BABAM2: variants seen among roughly 807,000 people sequenced by gnomAD.
BABAM2 encodes BRISC and BRCA1 A complex member 2, also known as BRISC and BRCA1-A complex member 2.
A neutral mutation model predicts 54.7 loss-of-function variants in BABAM2; 31 were observed. The observed-to-expected ratio is 0.57, with a 90% CI of 0.43 to 0.77. The LOEUF is 0.77. Among genes scored for constraint, BABAM2 ranks in the 30% least tolerant of loss-of-function variants. BABAM2 has a pLI of 0.00. For missense variants in BABAM2, 364 were observed against 455.8 expected (o/e 0.80, Z 1.83); for synonymous variants, 167 against 162.9 (o/e 1.03, Z -0.19).
At position 28,325,770 on chromosome 2, in the gene BABAM2, A is replaced by C. The variant is rs1572421799; in HGVS notation, c.1089-12680A>C. Among the ~76,000 whole-genome samples, 1 of 152,258 alleles carries C rather than the reference A, an allele frequency of 6.6e-6. No individual in the cohort carries two copies. Among genetic ancestry groups the C allele is most frequent in the East Asian group, 1.9e-4 (1 of 5,188 alleles). On this transcript the variant is annotated intron_variant, in intron 11 of 11. Coordinates refer to ENST00000379624, the MANE Select transcript of BABAM2 (RefSeq NM_199191.3). The surrounding 1 kb of genome is among the most constrained non-coding windows in gnomAD (Gnocchi z 4.3). Reference sequence around the variant, plus strand: ...AATGTCCCAGAGTGTTGGGTGACCAAAAGCTGTGTCCAAAAGCCAGCATGC... The same window carrying C: ...AATGTCCCAGAGTGTTGGGTGACCACAAGCTGTGTCCAAAAGCCAGCATGC...
intron 3 of BABAM2, among the ~76,000 whole-genome samples, chr2:27,943,040 T>C (rs1293287968): frequency 6.6e-6 from 1 of 152,064 alleles, no homozygotes; most frequent in Admixed American, 6.6e-5. Context: ...ATCCTTCCAC[T>C]GTGGCCTCCC....
intron 7 of BABAM2, among the ~76,000 whole-genome samples, chr2:28,206,569 C>G (rs1187201196): frequency 6.6e-6 from 1 of 152,106 alleles, no homozygotes; most frequent in Admixed American, 6.5e-5. Context: ...GAGGCTGAAA[C>G]CCCACCAGTG....
At chr2:28,009,553 A>G (rs1325217778) in intron 4 of BABAM2, among the ~76,000 whole-genome samples, 2 of 152,234 alleles carry the variant, frequency 1.3e-5, no homozygotes, top group Non-Finnish European at 2.9e-5. Flanking sequence ...TGGAGAGAGT[A>G]TGTCTTCATG....
intron 3 of BABAM2, among the ~76,000 whole-genome samples, chr2:27,963,208 G>A (rs549516774): frequency 5.9e-4 from 90 of 152,230 alleles, no homozygotes; most frequent in African/African-American, 2.1e-3. Flanking sequence ...GGTGGCTCAC[G>A]CCTGCAATCC....
intron 11 of BABAM2, among the ~76,000 whole-genome samples, chr2:28,324,357 G>A (rs182315173): frequency 3.5e-4 from 53 of 152,282 alleles, no homozygotes; most frequent in Admixed American, 9.2e-4. Flanking sequence ...CAAGGCTCCC[G>A]ACTCAGTGGA....
intron 10 of BABAM2, among the ~76,000 whole-genome samples, chr2:28,260,986 G>T: frequency 7.1e-6 from 1 of 141,404 alleles, no homozygotes; most frequent in African/African-American, 2.7e-5. Context: ...CTATTACCCA[G>T]GCTGGAGTGC....
At chr2:28,150,470 T>G (rs1230042246) in intron 7 of BABAM2, among the ~76,000 whole-genome samples, 1 of 152,254 alleles carries the variant, frequency 6.6e-6, no homozygotes, top group African/African-American at 2.4e-5. Flanking sequence ...CTCACTCCCT[T>G]GTCTTTCCTC....
chr2:27,899,254 T>C (rs1276415771), intron 2 of BABAM2, among the ~76,000 whole-genome samples: 5 of 152,218 alleles, frequency 3.3e-5, no homozygotes, highest in Admixed American at 6.5e-5. Flanking sequence ...TGATGGCTAG[T>C]GGACTGGTGA....
At chr2:28,092,767 T>TCC (rs1666265314) in intron 6 of BABAM2, among the ~76,000 whole-genome samples, 1 of 151,734 alleles carries the variant, frequency 6.6e-6, no homozygotes. Context: ...TCTCTCTCTC[T>TCC]CTCTCACGCT....
chr2:28,205,812 A>G (rs1678785289), intron 7 of BABAM2, among the ~76,000 whole-genome samples: 1 of 152,228 alleles, frequency 6.6e-6, no homozygotes, highest in Non-Finnish European at 1.5e-5. Flanking sequence ...GGATGAGTAG[A>G]AATTTATTTC....
intron 2 of BABAM2, among the ~76,000 whole-genome samples, chr2:27,906,046 G>T (rs1341567519): frequency 1.3e-5 from 2 of 152,212 alleles, no homozygotes; most frequent in Non-Finnish European, 2.9e-5. Context: ...ACAGAGGGGT[G>T]AAGAAGCCTC....
chr2:27,929,618 A>T (rs889164263), intron 2 of BABAM2, among the ~76,000 whole-genome samples: 3 of 152,332 alleles, frequency 2.0e-5, no homozygotes, highest in Admixed American at 2.0e-4. Flanking sequence ...AACACATGTA[A>T]GTTTTATTGT....
At chr2:27,928,734 T>A (rs988994643) in intron 2 of BABAM2, among the ~76,000 whole-genome samples, 2 of 152,154 alleles carry the variant, frequency 1.3e-5, no homozygotes, top group African/African-American at 4.8e-5. Context: ...AACTCTCATC[T>A]TTTTAAAACA....
chr2:28,312,697 C>G, intron 11 of BABAM2, among the ~76,000 whole-genome samples: 1 of 151,982 alleles, frequency 6.6e-6, no homozygotes, highest in Admixed American at 6.6e-5. Flanking sequence ...GGAATGCATC[C>G]TGGGAAGTTA....
intron 2 of BABAM2, among the ~76,000 whole-genome samples, chr2:27,919,066 G>A (rs538999079): frequency 1.8e-4 from 28 of 152,128 alleles, no homozygotes; most frequent in African/African-American, 6.3e-4. Context: ...CTTAATAATA[G>A]CTTTCTGCAT....
chr2:28,151,738 T>G (rs1672062359), intron 7 of BABAM2, among the ~76,000 whole-genome samples: 1 of 152,232 alleles, frequency 6.6e-6, no homozygotes, highest in African/African-American at 2.4e-5. Flanking sequence ...TGATAACATT[T>G]GGTCCCTTTC....
At chr2:28,055,038 A>T (rs1357502838) in intron 6 of BABAM2, among the ~76,000 whole-genome samples, 1 of 152,228 alleles carries the variant, frequency 6.6e-6, no homozygotes, top group Non-Finnish European at 1.5e-5. Context: ...GGTAGACTGG[A>T]TGAAAAAAAT....
Position 28,204,385 on chromosome 2 carries a change from A to G in BABAM2, c.681-32817A>G, listed in dbSNP as rs145644025. Among the ~76,000 whole-genome samples, 874 of 152,340 alleles carry G rather than the reference A, an allele frequency of 5.7e-3. 16 individuals carry two copies. The highest frequency in any genetic ancestry group is 0.02 in the African/African-American group (829 of 41,576). Reference sequence around the variant, plus strand: ...CTCAGAGAATTCTAGAACCGTTCTGATCTCTGAAACAAGCATTGTTGCAGA... The same window carrying G: ...CTCAGAGAATTCTAGAACCGTTCTGGTCTCTGAAACAAGCATTGTTGCAGA... On this transcript the variant is annotated intron_variant, in intron 7 of 11. Coordinates refer to ENST00000379624, the MANE Select transcript of BABAM2 (RefSeq NM_199191.3).
At chr2:28,010,961 C>T (rs532919552) in intron 4 of BABAM2, among the ~76,000 whole-genome samples, 1 of 152,252 alleles carries the variant, frequency 6.6e-6, no homozygotes, top group Admixed American at 6.5e-5. Flanking sequence ...CTTTGTTTAT[C>T]TCATTGGGTT....
Sources: gnomAD v4.1 joint callset for allele counts (sites outside exome capture counted in the v4.1 genomes callset) on GRCh38, gnomAD v4.1.1 for gene constraint, Gnocchi (gnomAD v3.1) non-coding constraint, MANE v1.5 for transcripts, NCBI Gene and HGNC (gene_info 2026-07-23, HGNC 2026-07-21) for gene names.